LOC128092252: variants seen among roughly 807,000 people sequenced by gnomAD.
the LOC128092252 span, among the ~76,000 whole-genome samples, chr15:50,667,797 T>G: frequency 1.4e-3 from 213 of 152,300 alleles, 1 homozygote; most frequent in Middle Eastern, 0.044. Context: ...GTTTCACATA[T>G]CAATAATGCA....
chr15:50,678,239 CAAAAAAAA>C, the LOC128092252 span, among the ~76,000 whole-genome samples: 1 of 92,080 alleles, frequency 1.1e-5, no homozygotes, highest in Non-Finnish European at 2.3e-5. Flanking sequence ...GACTCTCTCT[CAAAAAAAA>C]AAAACAAAAA....
the LOC128092252 span, among the ~76,000 whole-genome samples, chr15:50,677,738 C>CAAAAAAAAAAAAAA: frequency 2.6e-5 from 1 of 38,170 alleles, no homozygotes; most frequent in Non-Finnish European, 5.1e-5. Flanking sequence ...GACCCCGTAT[C>CAAAAAAAAAAAAAA]AAAAAAAAAA....
the LOC128092252 span, among the ~76,000 whole-genome samples, chr15:50,661,819 A>C: frequency 0.075 from 11,454 of 152,288 alleles, 556 homozygotes; most frequent in South Asian, 0.12. Flanking sequence ...TTTGTCAATT[A>C]ATTTTCATTT....
chr15:50,672,342 C>G, the LOC128092252 span, among the ~76,000 whole-genome samples: 1 of 151,886 alleles, frequency 6.6e-6, no homozygotes, highest in Non-Finnish European at 1.5e-5. Flanking sequence ...AGGCGTGAGC[C>G]ACCTCGCCCG....
At chr15:50,677,042 G>C in the LOC128092252 span, among the ~76,000 whole-genome samples, 1 of 152,124 alleles carries the variant, frequency 6.6e-6, no homozygotes, top group Non-Finnish European at 1.5e-5. Context: ...TAGTCGGCTT[G>C]GGATGCCACA....
the LOC128092252 span, among the ~76,000 whole-genome samples, chr15:50,652,985 C>G: frequency 6.6e-6 from 1 of 152,138 alleles, no homozygotes; most frequent in Non-Finnish European, 1.5e-5. Context: ...CATGGCAAAA[C>G]TCCTTCTCTA....
chr15:50,685,230 A>G, the LOC128092252 span, among the ~76,000 whole-genome samples: 1 of 152,328 alleles, frequency 6.6e-6, no homozygotes, highest in South Asian at 2.1e-4. Flanking sequence ...TGGGGGGCTG[A>G]GGCGGGCGGA....
the LOC128092252 span, among the ~76,000 whole-genome samples, chr15:50,659,445 T>A: frequency 6.0e-4 from 91 of 152,308 alleles, no homozygotes; most frequent in African/African-American, 2.1e-3. Flanking sequence ...CCTTTTAAGT[T>A]ATGAACCAAG....
chr15:50,681,699 G>A, the LOC128092252 span, among the ~76,000 whole-genome samples: 5 of 152,210 alleles, frequency 3.3e-5, no homozygotes, highest in Non-Finnish European at 5.9e-5. Flanking sequence ...TCCACAAGGA[G>A]CTTTGTTTCC....
chr15:50,657,871 T>C, the LOC128092252 span: 10 of 1,466,614 alleles, frequency 6.8e-6, no homozygotes, highest in African/African-American at 1.4e-5. Flanking sequence ...AACTTTCTGA[T>C]TTTAAAGTAT....
At chr15:50,686,095 T>C in the LOC128092252 span, among the ~76,000 whole-genome samples, 3 of 152,204 alleles carry the variant, frequency 2.0e-5, no homozygotes, top group African/African-American at 7.2e-5. Flanking sequence ...CTCCCTTTTT[T>C]CCATGTAAAA....
At chr15:50,666,191 A>G in the LOC128092252 span, among the ~76,000 whole-genome samples, 1 of 152,182 alleles carries the variant, frequency 6.6e-6, no homozygotes, top group Admixed American at 6.5e-5. Flanking sequence ...ACCTTTATCA[A>G]GACTGAACAA....
the LOC128092252 span, among the ~76,000 whole-genome samples, chr15:50,658,696 C>T: frequency 2.0e-5 from 3 of 151,860 alleles, no homozygotes; most frequent in African/African-American, 7.3e-5. Context: ...AAATAAAAAA[C>T]GTTGACTCTC....
At chr15:50,680,320 C>T in the LOC128092252 span, among the ~76,000 whole-genome samples, 2 of 152,124 alleles carry the variant, frequency 1.3e-5, no homozygotes, top group African/African-American at 4.8e-5. Context: ...GCAGGTAGAT[C>T]ACTTGAGACC....
At chr15:50,671,339 C>T in the LOC128092252 span, among the ~76,000 whole-genome samples, 1 of 152,146 alleles carries the variant, frequency 6.6e-6, no homozygotes, top group African/African-American at 2.4e-5. Flanking sequence ...GCTTATTTCA[C>T]TTAACATAAT....
At chr15:50,654,710 C>G in the LOC128092252 span, among the ~76,000 whole-genome samples, 5 of 150,912 alleles carry the variant, frequency 3.3e-5, no homozygotes, top group Admixed American at 3.3e-4. Flanking sequence ...TGAAAATTCA[C>G]TGGATGGGCT....
At chr15:50,675,836 A>G in the LOC128092252 span, among the ~76,000 whole-genome samples, 1 of 152,224 alleles carries the variant, frequency 6.6e-6, no homozygotes, top group African/African-American at 2.4e-5. Context: ...GGGAATCTTA[A>G]AGATCAGTTG....
At chr15:50,649,956 A>T in the LOC128092252 span, among the ~76,000 whole-genome samples, 2 of 152,068 alleles carry the variant, frequency 1.3e-5, no homozygotes, top group African/African-American at 4.8e-5. Context: ...GCACTTTGGG[A>T]GGCCGAGACG....
At chr15:50,666,843 T>C in the LOC128092252 span, among the ~76,000 whole-genome samples, 1 of 152,054 alleles carries the variant, frequency 6.6e-6, no homozygotes, top group African/African-American at 2.4e-5. Flanking sequence ...GCACAAGTAA[T>C]AGTAAGACTG....
Sources: gnomAD v4.1 joint callset for allele counts (sites outside exome capture counted in the v4.1 genomes callset) on GRCh38, gnomAD v4.1.1 for gene constraint, MANE v1.5 for transcripts.